Variants in HSPBAP1 observed in about 807,000 individuals in gnomAD.
HSPBAP1 encodes HSPB1 associated protein 1, also known as HSPB1-associated protein 1.
In HSPBAP1, 27 loss-of-function variants were observed where a neutral mutation model predicts 45.2. That is an observed-to-expected ratio of 0.60 (90% confidence interval 0.44 to 0.82). The LOEUF (loss-of-function observed/expected upper bound fraction) is 0.82, where lower values mean the gene tolerates loss of function less well. Among genes scored for constraint, HSPBAP1 ranks in the 40% least tolerant of loss-of-function variants. The probability of loss-of-function intolerance (pLI) is 0.00; values close to 1 mark genes in which losing one functional copy is unlikely to be tolerated. For missense variants in HSPBAP1, 510 were observed against 590.9 expected (o/e 0.86, Z 1.42); for synonymous variants, 204 against 202.7 (o/e 1.01, Z -0.06).
chr3:122,763,434 T>C (rs989741100), intron 3 of HSPBAP1, among the ~76,000 whole-genome samples: 4 of 150,836 alleles, frequency 2.7e-5, no homozygotes, highest in African/African-American at 9.7e-5. Context: ...TTATTACATA[T>C]CAGTTATACC....
intron 2 of HSPBAP1, among the ~76,000 whole-genome samples, chr3:122,772,386 A>G (rs2107526300): frequency 6.6e-6 from 1 of 152,320 alleles, no homozygotes; most frequent in Admixed American, 6.5e-5. Flanking sequence ...TTCAAATATT[A>G]AAATACATAC....
intron 6 of HSPBAP1, among the ~76,000 whole-genome samples, chr3:122,749,653 G>T (rs1463716843): frequency 6.6e-6 from 1 of 152,122 alleles, no homozygotes; most frequent in East Asian, 1.9e-4. Flanking sequence ...TCTGTCACCA[G>T]GCTAGAGTGC....
chr3:122,791,493 T>C (rs1219816711), intron 1 of HSPBAP1, among the ~76,000 whole-genome samples: 2 of 152,226 alleles, frequency 1.3e-5, no homozygotes, highest in Non-Finnish European at 2.9e-5. Context: ...GGGCACATGG[T>C]AGAGAATGAA....
At chr3:122,781,156 G>A (rs1377749407) in intron 1 of HSPBAP1, among the ~76,000 whole-genome samples, 4 of 150,656 alleles carry the variant, frequency 2.7e-5, no homozygotes, top group Admixed American at 1.3e-4. Context: ...ACGGGGTGGC[G>A]GCCGGGCAGA....
At chr3:122,770,546 A>G (rs1934958058) in intron 2 of HSPBAP1, among the ~76,000 whole-genome samples, 1 of 152,058 alleles carries the variant, frequency 6.6e-6, no homozygotes, top group South Asian at 2.1e-4. Flanking sequence ...AAAAAATACA[A>G]AAAAATTAGC....
chr3:122,757,057 C>T (rs1934380504), intron 4 of HSPBAP1, among the ~76,000 whole-genome samples: 1 of 152,196 alleles, frequency 6.6e-6, no homozygotes, highest in African/African-American at 2.4e-5. Context: ...GTTCCTTCCC[C>T]TGCACCACAG....
chr3:122,768,913 T>C, intron 2 of HSPBAP1, 31 bp from the exon 3 acceptor site: 2 of 1,335,408 alleles, frequency 1.5e-6, no homozygotes, highest in South Asian at 1.3e-5. Flanking sequence ...ACCTTAAATG[T>C]ATAATGAACA....
At chr3:122,769,119 C>T (rs1934891446) in intron 2 of HSPBAP1, among the ~76,000 whole-genome samples, 1 of 151,418 alleles carries the variant, frequency 6.6e-6, no homozygotes, top group Non-Finnish European at 1.5e-5. Flanking sequence ...GAGCAAAACC[C>T]CATCTCCAAA....
chr3:122,752,215 C>A (rs1934174346), intron 6 of HSPBAP1, among the ~76,000 whole-genome samples: 1 of 152,098 alleles, frequency 6.6e-6, no homozygotes, highest in Non-Finnish European at 1.5e-5. Flanking sequence ...TGACCCTGAA[C>A]CAAGAAGCAG....
At chr3:122,741,156 G>C (rs1238252533) in intron 6 of HSPBAP1, 43 bp from the exon 7 acceptor site, 12 of 1,344,058 alleles carry the variant, frequency 8.9e-6, no homozygotes, top group Non-Finnish European at 1.3e-5. Flanking sequence ...TAAGTCTCAT[G>C]GCTTTTTAAG....
chr3:122,769,738 G>C (rs779106916), intron 2 of HSPBAP1, among the ~76,000 whole-genome samples: 1 of 152,198 alleles, frequency 6.6e-6, no homozygotes, highest in African/African-American at 2.4e-5. Context: ...GGAGTGCAGT[G>C]GTGCAATCTC....
chr3:122,777,300 C>T (rs1014399760), intron 2 of HSPBAP1, among the ~76,000 whole-genome samples: 4 of 151,908 alleles, frequency 2.6e-5, no homozygotes, highest in African/African-American at 7.3e-5. Flanking sequence ...AAATAGTGCC[C>T]GAAGCCACAA....
intron 6 of HSPBAP1, among the ~76,000 whole-genome samples, chr3:122,745,570 A>G (rs1336798017): frequency 6.6e-6 from 1 of 151,998 alleles, no homozygotes; most frequent in Non-Finnish European, 1.5e-5. Context: ...TCACCATTCC[A>G]CTCCACACAG....
intron 2 of HSPBAP1, among the ~76,000 whole-genome samples, chr3:122,770,356 C>T (rs1466654886): frequency 6.6e-6 from 1 of 152,148 alleles, no homozygotes; most frequent in Non-Finnish European, 1.5e-5. Context: ...TTTTGTAAAG[C>T]ACTTAGTGCC....
At chr3:122,745,014 T>A (rs915800503) in intron 6 of HSPBAP1, among the ~76,000 whole-genome samples, 1 of 151,916 alleles carries the variant, frequency 6.6e-6, no homozygotes, top group Non-Finnish European at 1.5e-5. Flanking sequence ...AAACAAAAAG[T>A]AATGAAATAG....
At chr3:122,761,463 T>A (rs1038334798) in intron 3 of HSPBAP1, 1 of 152,058 alleles carries the variant, frequency 6.6e-6, no homozygotes, top group African/African-American at 2.4e-5. Flanking sequence ...CTAACAGTAA[T>A]AATGACTTAA....
chr3:122,756,279 C>G (rs1041250818), intron 4 of HSPBAP1, among the ~76,000 whole-genome samples: 9 of 152,160 alleles, frequency 5.9e-5, no homozygotes, highest in African/African-American at 2.2e-4. Context: ...CCTTTCAGAA[C>G]CAAGAAACAG....
intron 4 of HSPBAP1, among the ~76,000 whole-genome samples, 172 bp from the exon 5 acceptor site, chr3:122,755,603 C>T (rs1195869534): frequency 2.0e-5 from 3 of 151,730 alleles, no homozygotes; most frequent in Non-Finnish European, 2.9e-5. Context: ...TAGAATCCCT[C>T]TGCAGATACC....
At position 122,740,902 on chromosome 3, in the gene HSPBAP1, A is replaced by G. The variant is rs192741495; in HGVS notation, c.937-27T>C. ...TAAGGGAAGAGAAAAACCTTTTAAA[A>G]TGGTTACATACATTTAGTTACACTG... On this transcript the variant is annotated intron_variant, in intron 7 of 7. Transcript: ENST00000306103. 298 of 1,611,250 alleles carry G rather than the reference A, an allele frequency of 1.8e-4. 1 individual carries two copies. The African/African-American group carries it at 3.5e-3, about 19-fold the overall frequency.
Sources: gnomAD v4.1 joint callset for allele counts (sites outside exome capture counted in the v4.1 genomes callset) on GRCh38, gnomAD v4.1.1 for gene constraint, MANE v1.5 for transcripts, NCBI Gene and HGNC (gene_info 2026-07-23, HGNC 2026-07-21) for gene names.